The following NRG3 variants were observed in gnomAD, a reference collection of about 807,000 sequenced individuals.
The protein encoded by NRG3 is pro-neuregulin-3, membrane-bound isoform.
A neutral mutation model predicts 66.9 loss-of-function variants in NRG3; 31 were observed. The ratio of observed to expected loss-of-function variants is 0.46; its 90% CI spans 0.35 to 0.63. NRG3 has a LOEUF of 0.63. Ranked by LOEUF, NRG3 falls within the 20% of genes least tolerant of loss-of-function variation. The pLI, the probability that NRG3 is intolerant of heterozygous loss-of-function variation, is 0.00. For missense variants in NRG3, 910 were observed against 878.9 expected (o/e 1.04, Z -0.45); for synonymous variants, 393 against 359.4 (o/e 1.09, Z -1.06).
intron 2 of NRG3, among the ~76,000 whole-genome samples, chr10:82,623,384 A>G (rs1299429087): frequency 6.6e-6 from 1 of 152,114 alleles, no homozygotes; most frequent in Non-Finnish European, 1.5e-5. Flanking sequence ...TTCTCCCAGA[A>G]CTACTTAGTT....
chr10:82,805,799 G>T (rs184931996), intron 3 of NRG3, among the ~76,000 whole-genome samples: 64 of 152,212 alleles, frequency 4.2e-4, no homozygotes, highest in Non-Finnish European at 8.2e-4. Flanking sequence ...TGCAGAGATG[G>T]TCCTATAGTC....
At chr10:82,853,198 C>G (rs796397431) in intron 3 of NRG3, among the ~76,000 whole-genome samples, 15 of 152,178 alleles carry the variant, frequency 9.9e-5, no homozygotes, top group African/African-American at 3.6e-4. Flanking sequence ...AAAATTATGG[C>G]GCCAAAGATG....
chr10:82,059,002 T>G (rs1391595776), intron 1 of NRG3, among the ~76,000 whole-genome samples: 1 of 152,120 alleles, frequency 6.6e-6, no homozygotes. Flanking sequence ...CGAGGCAACA[T>G]GTGGGACGTT....
At position 82,344,706 on chromosome 10, in the gene NRG3, C is replaced by T. The variant is rs1250022507; in HGVS notation, c.824-14033C>T. On this transcript the variant is annotated intron_variant, in intron 1 of 8. Transcript: ENST00000372141. ...CAGTGTAAAAGTGTTCCTATTTCTCCACATCCTCTCCAGCACCTGTTGTTT... is the reference window on the plus strand; with the variant it reads ...CAGTGTAAAAGTGTTCCTATTTCTCTACATCCTCTCCAGCACCTGTTGTTT... Among the ~76,000 whole-genome samples the T allele has an allele frequency of 4.0e-5, 5 of 124,134 alleles. No homozygotes were observed. In the East Asian group the frequency reaches 1.3e-3, roughly 32 times the overall value. 81.4% of individuals were successfully genotyped at this position (124,134 alleles called of 152,430 possible).
chr10:82,190,305 A>C (rs1564646737), intron 1 of NRG3, among the ~76,000 whole-genome samples: 1 of 152,146 alleles, frequency 6.6e-6, no homozygotes, highest in Admixed American at 6.6e-5. Context: ...GGAAAAAAAA[A>C]ATTCAAATTT....
At chr10:82,061,834 G>C (rs1180268250) in intron 1 of NRG3, among the ~76,000 whole-genome samples, 1 of 119,468 alleles carries the variant, frequency 8.4e-6, no homozygotes, top group African/African-American at 3.1e-5. Context: ...CTTTCTGTCA[G>C]TGTCCCTTTC....
intron 1 of NRG3, among the ~76,000 whole-genome samples, chr10:82,292,299 T>TA (rs1175634812): frequency 1.0e-4 from 15 of 150,474 alleles, no homozygotes; most frequent in African/African-American, 7.3e-5. Flanking sequence ...TGGCTAAAGT[T>TA]AAAAAAAAAG....
intron 1 of NRG3, among the ~76,000 whole-genome samples, chr10:82,313,697 C>G (rs149662375): frequency 1.4e-4 from 21 of 152,188 alleles, no homozygotes; most frequent in African/African-American, 5.1e-4. Context: ...TGGTTTCCAA[C>G]TATGTCAGGG....
At chr10:82,506,489 C>T (rs1322000305) in intron 2 of NRG3, among the ~76,000 whole-genome samples, 3 of 151,984 alleles carry the variant, frequency 2.0e-5, no homozygotes, top group Non-Finnish European at 2.9e-5. Flanking sequence ...AATGCCACTG[C>T]TTGGGGCTTT....
intron 3 of NRG3, among the ~76,000 whole-genome samples, chr10:82,859,781 G>C (rs1479232202): frequency 1.3e-5 from 2 of 152,126 alleles, no homozygotes; most frequent in Admixed American, 1.3e-4. Flanking sequence ...ATGTGAATGC[G>C]TATGTTAATT....
At chr10:82,859,757 G>A (rs181014490) in intron 3 of NRG3, among the ~76,000 whole-genome samples, 2 of 152,238 alleles carry the variant, frequency 1.3e-5, no homozygotes, top group African/African-American at 4.8e-5. Flanking sequence ...TGTTCTCACC[G>A]CATAAAGATA....
At chr10:82,373,885 A>G (rs2085048022) in intron 2 of NRG3, among the ~76,000 whole-genome samples, 1 of 152,176 alleles carries the variant, frequency 6.6e-6, no homozygotes, top group Admixed American at 6.5e-5. Flanking sequence ...ATTAAATAGT[A>G]GCTTTGATCT....
chr10:81,947,183 A>C (rs1262901946), intron 1 of NRG3, among the ~76,000 whole-genome samples: 1 of 151,992 alleles, frequency 6.6e-6, no homozygotes, highest in Non-Finnish European at 1.5e-5. Context: ...CGCAGTATCC[A>C]CCCTGAGTCT....
At chr10:82,910,889 A>G (rs1477673653) in intron 4 of NRG3, among the ~76,000 whole-genome samples, 1 of 152,244 alleles carries the variant, frequency 6.6e-6, no homozygotes, top group African/African-American at 2.4e-5. Flanking sequence ...CACTTGGAAC[A>G]TAGTAACTGA....
chr10:82,013,620 G>GC (rs1217508732), intron 1 of NRG3, among the ~76,000 whole-genome samples: 1 of 151,676 alleles, frequency 6.6e-6, no homozygotes, highest in Non-Finnish European at 1.5e-5. Flanking sequence ...AACGTCGTAT[G>GC]TTTTTTTTCT....
intron 1 of NRG3, among the ~76,000 whole-genome samples, chr10:82,016,735 G>A (rs1039962106): frequency 1.3e-5 from 2 of 152,108 alleles, no homozygotes; most frequent in East Asian, 1.9e-4. Context: ...AAATGGTTGG[G>A]AATTCAGGTG....
In NRG3 at chr10:81,944,438, C is replaced by T. The variant is rs1848664427; in HGVS notation, c.823+68275C>T. The stretch of plus-strand genomic sequence containing the variant: ...CTTTACTTGAAAGACTAAAAGAAAA[C>T]TTAATTTGATTTTCAGAAAAAGAGT... On this transcript the variant is annotated intron_variant, in intron 1 of 8. Transcript: ENST00000372141. Among the ~76,000 whole-genome samples the T allele has an allele frequency of 2.0e-5, 3 of 152,036 alleles. No individual in the cohort carries two copies. The South Asian group carries it at 6.2e-4, about 31-fold the overall frequency.
chr10:82,619,337 G>T (rs1278895701), intron 2 of NRG3, among the ~76,000 whole-genome samples: 2 of 152,186 alleles, frequency 1.3e-5, no homozygotes, highest in Non-Finnish European at 1.5e-5. Context: ...TGAGCACAAG[G>T]CTTGATAAAG....
intron 6 of NRG3, among the ~76,000 whole-genome samples, chr10:82,968,689 A>C (rs373372644): frequency 3.1e-5 from 3 of 96,674 alleles, no homozygotes; most frequent in Non-Finnish European, 5.4e-5. Flanking sequence ...GGGAGGGAGG[A>C]AGGGAATTAC....
Sources: gnomAD v4.1 joint callset for allele counts (sites outside exome capture counted in the v4.1 genomes callset) on GRCh38, gnomAD v4.1.1 for gene constraint, MANE v1.5 for transcripts, NCBI Gene and HGNC (gene_info 2026-07-23, HGNC 2026-07-21) for gene names.